Variants in TRAF3 observed in about 807,000 individuals in gnomAD.
TRAF3 encodes the protein TNF receptor associated factor 3, also known as TNF receptor-associated factor 3.
TRAF3 carries 13 observed loss-of-function variants against 62.3 expected under a neutral mutation model. The ratio of observed to expected loss-of-function variants is 0.21; its 90% CI spans 0.14 to 0.33. The LOEUF is 0.33. Ranked by LOEUF, TRAF3 falls within the 10% of genes least tolerant of loss-of-function variation. TRAF3 has a pLI of 1.00. For missense variants in TRAF3, 440 were observed against 741.8 expected (o/e 0.59, Z 4.73); for synonymous variants, 269 against 283.4 (o/e 0.95, Z 0.51).
At chr14:102,891,294 C>A (rs755666441) in intron 8 of TRAF3, 31 bp from the exon 9 acceptor site, 12 of 1,603,036 alleles carry the variant, frequency 7.5e-6, no homozygotes, top group South Asian at 1.1e-5. Context: ...CAGCGAGGTT[C>A]GCTGAATGCC....
rs1890438792 is a variant in TRAF3 at position 102,903,831 on chromosome 14, T to C, written c.1135+402T>C. 2.2e-6 allele frequency: 1 copy of C among 464,174 alleles called. No homozygotes were observed. The highest frequency in any genetic ancestry group is 1.6e-5 in the South Asian group (1 of 64,512). 28.8% of individuals were successfully genotyped at this position (464,174 alleles called of 1,614,324 possible). The stretch of plus-strand genomic sequence containing the variant: ...CCAGGGGGCAGCAGTCCCACCGCGC[T>C]CTGCCAGCATGTTTCTGATCCACAA... On this transcript the variant is annotated intron_variant, in intron 11 of 11. Coordinates refer to ENST00000392745, the MANE Select transcript of TRAF3 (RefSeq NM_145725.3). This position sits in a 1 kb window ranked among gnomAD's most constrained non-coding sequence, Gnocchi z 6.4.
At chr14:102,797,758 T>G (rs1898176340) in intron 1 of TRAF3, among the ~76,000 whole-genome samples, 1 of 148,224 alleles carries the variant, frequency 6.7e-6, no homozygotes, top group South Asian at 2.1e-4. Context: ...TTTTTTGAGA[T>G]GTAGTTTTGC....
chr14:102,846,862 T>C (rs1333746721), intron 2 of TRAF3, among the ~76,000 whole-genome samples: 5 of 152,064 alleles, frequency 3.3e-5, no homozygotes, highest in African/African-American at 4.8e-5. Flanking sequence ...CTTACTTACG[T>C]ATGTGGTGGA....
In TRAF3 at chr14:102,907,535, G is replaced by T. The variant is rs968302241; in HGVS notation, c.*1751G>T. ...TGCTTCTTAGGCAAAACCAATGTGT[G>T]CGAACTGTCACACCTGTGCCACTCG... is the stretch of plus-strand genomic sequence containing the variant. On this transcript the variant is annotated 3_prime_UTR_variant, in exon 12 of 12. Coordinates refer to ENST00000392745, the MANE Select transcript of TRAF3 (RefSeq NM_145725.3). The T allele has an allele frequency of 6.6e-6, 1 of 152,306 alleles. No individual in the cohort carries two copies. Among genetic ancestry groups the T allele is most frequent in the African/African-American group, 2.4e-5 (1 of 41,468 alleles). The allele number at this position is 152,306 out of a possible 1,614,324, so 9.4% of individuals were successfully genotyped here.
intron 1 of TRAF3, among the ~76,000 whole-genome samples, chr14:102,814,484 G>T (rs1458983306): frequency 6.6e-6 from 1 of 152,118 alleles, no homozygotes; most frequent in Admixed American, 6.6e-5. Flanking sequence ...AATGTCATTG[G>T]TATTTTGATG....
Position 102,908,625 on chromosome 14 carries a change from A to T in TRAF3, c.*2841A>T, listed in dbSNP as rs1041153517. 6.5e-6 allele frequency: 1 copy of T among 152,718 alleles called. No individual in the cohort carries two copies. The highest frequency in any genetic ancestry group is 1.5e-5 in the Non-Finnish European group (1 of 68,450). The allele number at this position is 152,718 out of a possible 1,614,324, so 9.5% of individuals were successfully genotyped here. Reference sequence around the variant, plus strand: ...ACAGGGCCCTGGCAGCAAGCGGGAAATGGGGGCGCACACTGTGTGCTTGGG... The same window carrying T: ...ACAGGGCCCTGGCAGCAAGCGGGAATTGGGGGCGCACACTGTGTGCTTGGG... On this transcript the variant is annotated 3_prime_UTR_variant, in exon 12 of 12. Coordinates refer to ENST00000392745, the MANE Select transcript of TRAF3 (RefSeq NM_145725.3).
chr14:102,887,896 A>G (rs1452194533), intron 7 of TRAF3, among the ~76,000 whole-genome samples: 6 of 152,096 alleles, frequency 3.9e-5, no homozygotes, highest in African/African-American at 1.4e-4. Context: ...CGCCCGGCCA[A>G]TAATTTCTTA....
chr14:102,875,946 C>T (rs913999015), intron 5 of TRAF3, among the ~76,000 whole-genome samples: 4 of 151,988 alleles, frequency 2.6e-5, no homozygotes, highest in Non-Finnish European at 5.9e-5. Flanking sequence ...TTAAACACTC[C>T]CCCCCCTACT....
chr14:102,785,646 C>A (rs1394718940), intron 1 of TRAF3, among the ~76,000 whole-genome samples: 2 of 152,166 alleles, frequency 1.3e-5, no homozygotes, highest in African/African-American at 4.8e-5. Flanking sequence ...GGCATGGAAG[C>A]CCTTACCACT....
chr14:102,798,307 G>A (rs1233898168), intron 1 of TRAF3, among the ~76,000 whole-genome samples: 5 of 150,290 alleles, frequency 3.3e-5, no homozygotes, highest in Admixed American at 2.7e-4. Context: ...CTGTAGCCTC[G>A]ACCTCTCAGT....
chr14:102,785,348 A>G (rs536646954), intron 1 of TRAF3, among the ~76,000 whole-genome samples: 23 of 152,296 alleles, frequency 1.5e-4, no homozygotes, highest in African/African-American at 5.5e-4. Context: ...TTCTTTACGC[A>G]GTGGCTCAGA....
At chr14:102,799,533 C>T (rs749052478) in intron 1 of TRAF3, among the ~76,000 whole-genome samples, 51 of 152,170 alleles carry the variant, frequency 3.4e-4, no homozygotes, top group Non-Finnish European at 5.3e-4. Context: ...TCGCTGCAAC[C>T]TCCGTCTCCC....
chr14:102,794,189 C>A (rs1225375497), intron 1 of TRAF3, among the ~76,000 whole-genome samples: 1 of 151,622 alleles, frequency 6.6e-6, no homozygotes, highest in Non-Finnish European at 1.5e-5. Flanking sequence ...TCTTTTTTTT[C>A]TTTTGAGATA....
chr14:102,839,210 CT>C (rs56998347), intron 2 of TRAF3, among the ~76,000 whole-genome samples: 212 of 89,796 alleles, frequency 2.4e-3, no homozygotes, highest in East Asian at 6.3e-3. Flanking sequence ...GTTGATTTGC[CT>C]TTTTTTTTTT....
At chr14:102,889,169 A>G (rs903229727) in intron 7 of TRAF3, among the ~76,000 whole-genome samples, 4 of 152,230 alleles carry the variant, frequency 2.6e-5, no homozygotes, top group Admixed American at 6.5e-5. Context: ...TGTGTGACCC[A>G]GTTGCATTCT....
chr14:102,794,430 A>G (rs566540980), intron 1 of TRAF3, among the ~76,000 whole-genome samples: 32 of 152,204 alleles, frequency 2.1e-4, no homozygotes, highest in African/African-American at 7.5e-4. Context: ...CGATCCTCCC[A>G]CCTTGGCCTC....
At chr14:102,864,750 A>G (rs1887882878) in intron 2 of TRAF3, among the ~76,000 whole-genome samples, 1 of 152,154 alleles carries the variant, frequency 6.6e-6, no homozygotes, top group Non-Finnish European at 1.5e-5. Context: ...ACTTGATCCT[A>G]CAGACAGAAA....
At chr14:102,843,066 G>A (rs899588838) in intron 2 of TRAF3, among the ~76,000 whole-genome samples, 5 of 151,794 alleles carry the variant, frequency 3.3e-5, no homozygotes, top group Non-Finnish European at 7.4e-5. Flanking sequence ...AGCTGGGTGT[G>A]GTGGCAGGTG....
chr14:102,811,550 GTTTTTTTTTT>G (rs35064640), intron 1 of TRAF3, among the ~76,000 whole-genome samples: 5 of 79,488 alleles, frequency 6.3e-5, no homozygotes, highest in South Asian at 6.2e-4. Context: ...GCTGTAGGCG[GTTTTTTTTTT>G]TTTTTTTTTT....
Sources: allele counts gnomAD v4.1 joint callset (sites outside exome capture counted in the v4.1 genomes callset), GRCh38; gene constraint gnomAD v4.1.1; non-coding constraint Gnocchi (gnomAD v3.1); transcripts MANE v1.5; gene names NCBI Gene and HGNC (gene_info 2026-07-23, HGNC 2026-07-21).